The following GALNTL5 variants were observed in gnomAD, a reference collection of about 807,000 sequenced individuals.
GALNTL5 encodes the protein inactive polypeptide N-acetylgalactosaminyltransferase-like protein 5.
Under a neutral mutation model 51.0 loss-of-function variants are expected in GALNTL5, and 44 were observed. That is an observed-to-expected ratio of 0.86 (90% CI 0.68 to 1.11). The LOEUF is 1.11. Among genes scored for constraint, GALNTL5 ranks in the 50% least tolerant of loss-of-function variants. The pLI, the probability that GALNTL5 is intolerant of heterozygous loss-of-function variation, is 0.00. For missense variants in GALNTL5, 528 were observed against 531.8 expected (o/e 0.99, Z 0.07); for synonymous variants, 192 against 182.8 (o/e 1.05, Z -0.41).
At chr7:151,992,987 C>G (rs1405405405) in intron 5 of GALNTL5, among the ~76,000 whole-genome samples, 1 of 152,130 alleles carries the variant, frequency 6.6e-6, no homozygotes, top group Non-Finnish European at 1.5e-5. Context: ...CCTAGAATCC[C>G]CGCACTTTGA....
intron 3 of GALNTL5, among the ~76,000 whole-genome samples, chr7:151,972,825 C>T (rs11767768): frequency 0.37 from 55,655 of 151,992 alleles, 11,258 homozygotes; most frequent in Middle Eastern, 0.49. Flanking sequence ...AAGCCTGCTG[C>T]GGGGGCAGAG....
At chr7:152,010,669 G>A (rs998333117) in intron 7 of GALNTL5, among the ~76,000 whole-genome samples, 2 of 151,886 alleles carry the variant, frequency 1.3e-5, no homozygotes, top group Non-Finnish European at 2.9e-5. Flanking sequence ...TCAGGAAGCT[G>A]AGGCACGAGA....
chr7:151,965,726 T>A (rs76986719), intron 1 of GALNTL5, among the ~76,000 whole-genome samples: 28 of 151,934 alleles, frequency 1.8e-4, no homozygotes, highest in African/African-American at 6.5e-4. Context: ...AAAAAAATAA[T>A]AATAATAATA....
chr7:151,978,967 G>A (rs533531291), intron 3 of GALNTL5, among the ~76,000 whole-genome samples: 1 of 152,182 alleles, frequency 6.6e-6, no homozygotes, highest in South Asian at 2.1e-4. Context: ...ATGAATTTTG[G>A]AAGACACAAT....
intron 1 of GALNTL5, among the ~76,000 whole-genome samples, chr7:151,957,031 G>A (rs1211345669): frequency 6.6e-6 from 1 of 151,850 alleles, no homozygotes; most frequent in Non-Finnish European, 1.5e-5. Context: ...TATAAACTGG[G>A]CACGGCAGCT....
intron 6 of GALNTL5, among the ~76,000 whole-genome samples, chr7:152,003,505 C>A (rs541675293): frequency 1.2e-3 from 176 of 152,186 alleles, no homozygotes; most frequent in Non-Finnish European, 2.2e-3. Context: ...TAATAATTAA[C>A]ACATTTCTTA....
intron 8 of GALNTL5, among the ~76,000 whole-genome samples, chr7:152,017,609 C>T (rs1208338570): frequency 6.6e-6 from 1 of 151,970 alleles, no homozygotes; most frequent in African/African-American, 2.4e-5. Flanking sequence ...GAAATTAATA[C>T]GTAATCAAGA....
At chr7:152,017,429 T>C (rs933234212) in intron 8 of GALNTL5, among the ~76,000 whole-genome samples, 1 of 152,208 alleles carries the variant, frequency 6.6e-6, no homozygotes, top group African/African-American at 2.4e-5. Context: ...ACGTGGTACA[T>C]GACTGTACCT....
intron 5 of GALNTL5, among the ~76,000 whole-genome samples, chr7:151,999,375 G>A (rs1312368072): frequency 1.3e-5 from 2 of 152,180 alleles, no homozygotes; most frequent in African/African-American, 4.8e-5. Flanking sequence ...CATGTTCCTA[G>A]GAATAGAATT....
intron 5 of GALNTL5, among the ~76,000 whole-genome samples, chr7:151,989,427 A>G (rs2081400427): frequency 6.6e-6 from 1 of 152,234 alleles, no homozygotes. Context: ...TGTTGAGATT[A>G]CAAGTGTGAG....
intron 3 of GALNTL5, among the ~76,000 whole-genome samples, chr7:151,979,910 G>C (rs1346128509): frequency 6.6e-6 from 1 of 152,182 alleles, no homozygotes. Flanking sequence ...TTTATTTCCA[G>C]TTTTCTTAAA....
chr7:152,001,212 A>AT (rs34824216), intron 5 of GALNTL5, among the ~76,000 whole-genome samples: 159 of 146,092 alleles, frequency 1.1e-3, no homozygotes, highest in South Asian at 7.0e-3. Flanking sequence ...CGCACCAGCC[A>AT]TTTTTTTTTT....
chr7:152,006,946 T>G (rs2081652454), intron 6 of GALNTL5, among the ~76,000 whole-genome samples: 1 of 151,990 alleles, frequency 6.6e-6, no homozygotes, highest in African/African-American at 2.4e-5. Context: ...TTTTGTATTT[T>G]TCGTAGAGAT....
rs566249457 is a variant in GALNTL5, at chr7:151,990,826, G to A, written c.658+3545G>A. Among the ~76,000 whole-genome samples the A allele has an allele frequency of 2.3e-4, 35 of 152,072 alleles. No homozygotes were observed. The East Asian group carries it at 6.4e-3, about 28-fold the overall frequency. On this transcript the variant is annotated intron_variant, in intron 5 of 8. Transcript: ENST00000392800. ...GGAGGCTCTGGGTTGAAGAGCCTCC[G>A]CCAGCCTGCATCCCTGAATGACCAC... is the stretch of plus-strand genomic sequence containing the variant.
rs1206320655 is a variant in GALNTL5 at position 151,967,259 on chromosome 7, A to G, written c.13A>G (p.Ile5Val). MRNA[I>V]IQGLFYGSLT... ...TGCTAGATTTACAATGAGAAATGCC[A>G]TAATTCAAGGTTTATTCTATGGGTC... Residue 5 changes from isoleucine to valine, a missense_variant, in exon 2 of 9, where the codon ATA becomes GTA. Coordinates refer to ENST00000392800, the MANE Select transcript of GALNTL5 (RefSeq NM_145292.4). The G allele has an allele frequency of 1.2e-6, 2 of 1,610,348 alleles. No individual in the cohort carries two copies. The highest frequency in any genetic ancestry group is 1.7e-6 in the Non-Finnish European group (2 of 1,178,508).
At chr7:151,972,137 A>G (rs919063957) in intron 3 of GALNTL5, among the ~76,000 whole-genome samples, 1 of 152,178 alleles carries the variant, frequency 6.6e-6, no homozygotes, top group African/African-American at 2.4e-5. Flanking sequence ...AGATGTGGGA[A>G]AGTTTGGAAT....
intron 1 of GALNTL5, among the ~76,000 whole-genome samples, chr7:151,958,689 T>C (rs1460536763): frequency 1.3e-5 from 2 of 152,214 alleles, no homozygotes. Flanking sequence ...GGTGGCCATC[T>C]GGCACTGGCA....
chr7:151,984,007 G>C (rs1382432610), intron 4 of GALNTL5: 2 of 152,204 alleles, frequency 1.3e-5, no homozygotes, highest in Non-Finnish European at 2.9e-5. Flanking sequence ...TCGAGCTCAG[G>C]AGCTCCAGAG....
At chr7:152,011,785 G>T (rs2081741680) in intron 7 of GALNTL5, among the ~76,000 whole-genome samples, 2 of 152,132 alleles carry the variant, frequency 1.3e-5, no homozygotes, top group African/African-American at 2.4e-5. Context: ...TACCTCAGTG[G>T]GTTACCCTTG....
Sources: gnomAD v4.1 joint callset for allele counts (sites outside exome capture counted in the v4.1 genomes callset) on GRCh38, gnomAD v4.1.1 for gene constraint, MANE v1.5 for transcripts, NCBI Gene and HGNC (gene_info 2026-07-23, HGNC 2026-07-21) for gene names.